Variants in FAM177A1 observed in about 807,000 individuals in gnomAD.
FAM177A1 encodes the protein family with sequence similarity 177 member A1, also known as protein FAM177A1.
FAM177A1 carries 22 observed loss-of-function variants against 26.1 expected under a neutral mutation model. The ratio of observed to expected loss-of-function variants is 0.84; its 90% CI spans 0.60 to 1.20. FAM177A1 has a LOEUF of 1.20. Ranked by LOEUF, FAM177A1 falls within the 50% of genes most tolerant of loss-of-function variation. The probability of loss-of-function intolerance (pLI) is 0.00; values close to 1 mark genes in which losing one functional copy is unlikely to be tolerated. For synonymous variants in FAM177A1, 95 were observed against 99.3 expected (o/e 0.96, Z 0.26); for missense variants, 296 against 291.1 (o/e 1.02, Z -0.12).
rs546636340 is a variant in FAM177A1, at chr14:35,082,293, T to G, written c.*1065T>G. On this transcript the variant is annotated 3_prime_UTR_variant, in exon 5 of 5. Coordinates refer to ENST00000280987, the MANE Select transcript of FAM177A1 (RefSeq NM_173607.5). ...CTTTGGGAGGCTGAAGTGGGCAGATTACTTGAGGTCAGGAGTTTGAGACCA... is the reference window on the plus strand; with the variant it reads ...CTTTGGGAGGCTGAAGTGGGCAGATGACTTGAGGTCAGGAGTTTGAGACCA... 6.5e-4 allele frequency: 99 copies of G among 152,240 alleles called. No homozygotes were observed. Among genetic ancestry groups the G allele is most frequent in the African/African-American group, 2.3e-3 (95 of 41,538 alleles). The allele number at this position is 152,240 out of a possible 1,614,324, so 9.4% of individuals were successfully genotyped here.
intron 1 of FAM177A1, chr14:35,046,879 G>C: frequency 1.5e-6 from 2 of 1,308,140 alleles, no homozygotes; most frequent in Non-Finnish European, 1.9e-6. Context: ...TGGGGTGATA[G>C]TCCAGCTTCT....
At chr14:35,076,145 A>G (rs1006208228) in intron 2 of FAM177A1, among the ~76,000 whole-genome samples, 1 of 152,218 alleles carries the variant, frequency 6.6e-6, no homozygotes, top group Non-Finnish European at 1.5e-5. Flanking sequence ...ATACACATGT[A>G]TGTTTATTGC....
At chr14:35,077,108 G>A (rs977095224) in intron 2 of FAM177A1, 42 bp from the exon 3 acceptor site, 1 of 1,483,776 alleles carries the variant, frequency 6.7e-7, no homozygotes, top group South Asian at 1.1e-5. Flanking sequence ...TATATGGAAT[G>A]AATTTAGGTA....
At chr14:35,065,849 G>T (rs2045233335) in intron 2 of FAM177A1, among the ~76,000 whole-genome samples, 1 of 151,624 alleles carries the variant, frequency 6.6e-6, no homozygotes, top group Non-Finnish European at 1.5e-5. Context: ...CTGCCACCAT[G>T]CCCAGCTAAT....
upstream of FAM177A1, chr14:35,046,226 C>T: frequency 5.9e-6 from 2 of 340,426 alleles, no homozygotes; most frequent in South Asian, 7.8e-5. Context: ...CGCAAGGACC[C>T]GCCCCGCCCC....
intron 1 of FAM177A1, among the ~76,000 whole-genome samples, chr14:35,048,992 G>A (rs535453386): frequency 9.0e-4 from 136 of 151,430 alleles, no homozygotes; most frequent in South Asian, 4.6e-3. Flanking sequence ...CCGGGTTCAC[G>A]CAATTCTCTT....
intron 2 of FAM177A1, among the ~76,000 whole-genome samples, chr14:35,073,553 A>G (rs8007575): frequency 0.16 from 24,138 of 152,154 alleles, 2,097 homozygotes; most frequent in Middle Eastern, 0.22. Flanking sequence ...GCATTGTCCA[A>G]TAACAAAAGA....
intron 2 of FAM177A1, among the ~76,000 whole-genome samples, chr14:35,073,673 C>T (rs922471303): frequency 7.9e-5 from 12 of 152,186 alleles, no homozygotes; most frequent in African/African-American, 2.9e-4. Flanking sequence ...TTGACAAGTA[C>T]AGACAAAAGA....
intron 2 of FAM177A1, among the ~76,000 whole-genome samples, chr14:35,070,766 A>G (rs184413419): frequency 5.2e-4 from 79 of 152,330 alleles, no homozygotes; most frequent in Non-Finnish European, 8.7e-4. Flanking sequence ...ACCTTTAGGA[A>G]TTTAAGCAGA....
At chr14:35,065,428 C>T (rs552855443) in intron 2 of FAM177A1, among the ~76,000 whole-genome samples, 1 of 129,880 alleles carries the variant, frequency 7.7e-6, no homozygotes, top group East Asian at 2.5e-4. Context: ...AAGCTTAGAA[C>T]TAACCAAAGA....
chr14:35,079,366 G>A (rs1342771653), intron 4 of FAM177A1, among the ~76,000 whole-genome samples: 1 of 152,160 alleles, frequency 6.6e-6, no homozygotes, highest in Admixed American at 6.6e-5. Context: ...ACATGGACTG[G>A]ATATAGGAAA....
intron 2 of FAM177A1, among the ~76,000 whole-genome samples, chr14:35,060,174 C>T (rs1051884931): frequency 1.4e-5 from 2 of 148,090 alleles, no homozygotes; most frequent in Admixed American, 6.9e-5. Context: ...TGGGTTTCAC[C>T]ATGTTGGCCA....
At chr14:35,071,157 C>T (rs553305103) in intron 2 of FAM177A1, among the ~76,000 whole-genome samples, 13 of 151,894 alleles carry the variant, frequency 8.6e-5, no homozygotes, top group Admixed American at 3.3e-4. Context: ...CCACCACGCC[C>T]GGCTGATTTT....
chr14:35,059,629 G>T (rs1306308155), intron 2 of FAM177A1, among the ~76,000 whole-genome samples: 1 of 150,294 alleles, frequency 6.7e-6, no homozygotes, highest in Non-Finnish European at 1.5e-5. Flanking sequence ...CTGCCTCCCA[G>T]GTTGGGTGAT....
At chr14:35,066,379 GTGT>G (rs2138551690) in intron 2 of FAM177A1, among the ~76,000 whole-genome samples, 1 of 146,366 alleles carries the variant, frequency 6.8e-6, no homozygotes, top group African/African-American at 2.5e-5. Flanking sequence ...CATTTTTCTT[GTGT>G]TGTTTAAAGT....
At position 35,046,637 on chromosome 14, in the gene FAM177A1, G is replaced by A. The variant is rs1210620394; in HGVS notation, c.165+9G>A. ...GGGAATCTGCAGGGCAGGTAGGTGG[G>A]GCCGCCGAGGCTGACGTCCGGGGAG... is the stretch of plus-strand genomic sequence containing the variant. On this transcript the variant is annotated intron_variant, in intron 1 of 4. Transcript: ENST00000280987. 4 of 1,526,338 alleles carry A rather than the reference G, an allele frequency of 2.6e-6. No individual in the cohort carries two copies. The highest frequency in any genetic ancestry group is 2.8e-5 in the African/African-American group (2 of 71,420). 94.5% of individuals were successfully genotyped at this position (1,526,338 alleles called of 1,614,324 possible).
At chr14:35,061,043 A>G (rs1473968498) in intron 2 of FAM177A1, among the ~76,000 whole-genome samples, 2 of 151,222 alleles carry the variant, frequency 1.3e-5, no homozygotes, top group African/African-American at 4.9e-5. Flanking sequence ...TGACTAATCT[A>G]TAAATTAAAA....
intron 3 of FAM177A1, among the ~76,000 whole-genome samples, chr14:35,078,701 T>G (rs2045433470): frequency 6.6e-6 from 1 of 152,202 alleles, no homozygotes; most frequent in Non-Finnish European, 1.5e-5. Flanking sequence ...CACCTAGTGA[T>G]AAGTATTCTA....
rs1262827989 is a variant in FAM177A1, at chr14:35,076,329, A to C, written c.340-821A>C. Among the ~76,000 whole-genome samples, 6 of 152,268 alleles carry C rather than the reference A, an allele frequency of 3.9e-5. No homozygotes were observed. In the East Asian group the frequency reaches 1.2e-3, roughly 29 times the overall value. The stretch of plus-strand genomic sequence containing the variant: ...AAGCTGGAAACCATCATTCTGAGGA[A>C]ACTATTGCAAGGACAGAAAACCAAA... On this transcript the variant is annotated intron_variant, in intron 2 of 4. Coordinates refer to ENST00000280987, the MANE Select transcript of FAM177A1 (RefSeq NM_173607.5).
Sources: allele counts gnomAD v4.1 joint callset (sites outside exome capture counted in the v4.1 genomes callset), GRCh38; gene constraint gnomAD v4.1.1; transcripts MANE v1.5; gene names NCBI Gene and HGNC (gene_info 2026-07-23, HGNC 2026-07-21).